Variants in DBP observed in about 807,000 individuals in gnomAD.
The protein encoded by DBP is D-box binding PAR bZIP transcription factor.
Under a neutral mutation model 21.4 loss-of-function variants are expected in DBP, and 12 were observed. The observed-to-expected ratio is 0.56, with a 90% confidence interval of 0.36 to 0.91. The LOEUF (loss-of-function observed/expected upper bound fraction) is 0.91, where lower values mean the gene tolerates loss of function less well. Among genes scored for constraint, DBP ranks in the 40% least tolerant of loss-of-function variants. DBP has a pLI of 0.01. For synonymous variants in DBP, 213 were observed against 224.9 expected, an observed-to-expected ratio of 0.95 and a Z score of 0.47; for missense variants, 423 against 473.4, an observed-to-expected ratio of 0.89 and a Z score of 0.99.
intron 2 of DBP, chr19:48,633,900 G>A (rs889398303): frequency 1.9e-6 from 1 of 532,448 alleles, no homozygotes; most frequent in South Asian, 2.2e-5. Context: ...AGGAGTTCAA[G>A]ACCAGCATGG....
In DBP at chr19:48,637,086, G is replaced by T; in HGVS notation, c.-92C>A. On this transcript the variant is annotated 5_prime_UTR_variant, in exon 1 of 4. Transcript: ENST00000222122. Reference sequence around the variant, plus strand: ...GCACACTCCAGTGGTTTGGACGAGTGTCTGCCCAGGGGCGGGCGAGTGTAG... The same window carrying T: ...GCACACTCCAGTGGTTTGGACGAGTTTCTGCCCAGGGGCGGGCGAGTGTAG... The T allele has an allele frequency of 8.1e-7, 1 of 1,227,026 alleles. No homozygotes were observed. Among genetic ancestry groups the T allele is most frequent in the Non-Finnish European group, 1.1e-6 (1 of 919,050 alleles). 76.0% of individuals were successfully genotyped at this position (1,227,026 alleles called of 1,614,324 possible).
chr19:48,633,735 T>C (rs1007552489), intron 2 of DBP, 80 bp from the exon 3 acceptor site: 85 of 1,199,686 alleles, frequency 7.1e-5, no homozygotes, highest in Admixed American at 2.3e-4. Flanking sequence ...TGTGGTATCA[T>C]AGCCACATGG....
intron 2 of DBP, chr19:48,633,967 G>A: frequency 2.7e-6 from 1 of 371,310 alleles, no homozygotes; most frequent in Non-Finnish European, 5.1e-6. Flanking sequence ...AGGTGTAGTG[G>A]CGGGTGCCGG....
At chr19:48,635,112 C>T in intron 2 of DBP, 1 of 988,638 alleles carries the variant, frequency 1.0e-6, no homozygotes, top group Middle Eastern at 5.2e-4. Flanking sequence ...ACCTGGGCTG[C>T]CAGTCTCTTA....
chr19:48,633,370 G>T, intron 3 of DBP, 74 bp downstream of exon 3: 1 of 1,458,444 alleles, frequency 6.9e-7, no homozygotes, highest in Non-Finnish European at 9.6e-7. Context: ...AGGCTTGACT[G>T]TGAGAAAAGG....
Position 48,636,884 on chromosome 19 carries a change from C to T in DBP, c.111G>A (p.Gly37=), listed in dbSNP as rs769874117. The T allele has an allele frequency of 2.5e-6, 4 of 1,608,718 alleles. No individual in the cohort carries two copies. Among genetic ancestry groups the T allele is most frequent in the African/African-American group, 1.3e-5 (1 of 74,674 alleles). The change falls in exon 1 of 4, where the codon GGG becomes GGA. Residue 37 remains glycine (G), a synonymous_variant. Transcript: ENST00000222122. The stretch of plus-strand genomic sequence containing the variant: ...TGGCCGGCTCTTTGGGCTTGCTGGT[C>T]CCCTGCAGAAGGCTCCGCAACCCAA... ...ALLGLRSLLQ[G]TSKPKEPASC... is the part of the protein sequence containing the mutation.
In DBP at chr19:48,630,361, A is replaced by G; in HGVS notation, c.*476T>C. On this transcript the variant is annotated 3_prime_UTR_variant, in exon 4 of 4. Coordinates refer to ENST00000222122, the MANE Select transcript of DBP (RefSeq NM_001352.5). This position sits in a 1 kb window ranked among gnomAD's most constrained non-coding sequence, Gnocchi z 4.9. ...TCCTCCGTCCCCAATCTAAAAAGCA[A>G]TTGAAAAGGTCTATGCAATAAAGGC... 2.3e-6 allele frequency: 3 copies of G among 1,312,810 alleles called. No individual in the cohort carries two copies. The highest frequency in any genetic ancestry group is 2.9e-6 in the Non-Finnish European group (3 of 1,031,184). The allele number at this position is 1,312,810 out of a possible 1,614,324, so 81.3% of individuals were successfully genotyped here.
intron 3 of DBP, 63 bp from the exon 4 acceptor site, chr19:48,631,115 A>G: frequency 6.8e-7 from 1 of 1,472,188 alleles, no homozygotes; most frequent in South Asian, 1.2e-5. Flanking sequence ...CGAGAGAGGA[A>G]GGGAGCCCCA....
chr19:48,631,338 T>G, intron 3 of DBP: 1 of 424,876 alleles, frequency 2.4e-6, no homozygotes, highest in Non-Finnish European at 4.3e-6. Context: ...CAGTTAGCTC[T>G]TGCTTGCTAA....
At position 48,635,654 on chromosome 19, in the gene DBP, G is replaced by C; in HGVS notation, c.476C>G (p.Ser159Trp). Reference protein sequence around the residue: ...APSPGPGSCGSASPRSSPGHA... With the variant: ...APSPGPGSCGWASPRSSPGHA... ...CCCAGGAGAGGAGCGGGGGGAAGCC[G>C]AGCCGCACGAACCCGGCCCTGGGGA... The change falls in exon 2 of 4, where the codon TCG becomes TGG. Residue 159 changes from serine (S) to tryptophan (W), a missense_variant. Around this residue, in one of 4 missense-constraint regions of DBP, gnomAD observed 283 missense variants for 273.7 expected, o/e 1.03. Transcript: ENST00000222122. 7.6e-7 allele frequency: 1 copy of C among 1,315,074 alleles called. No individual in the cohort carries two copies. Among genetic ancestry groups the C allele is most frequent in the Non-Finnish European group, 9.6e-7 (1 of 1,039,174 alleles). 81.5% of individuals were successfully genotyped at this position (1,315,074 alleles called of 1,614,324 possible).
chr19:48,630,108 C>T lies in DBP; in HGVS notation c.*729G>A. Reference sequence around the variant, plus strand: ...ATGGCTGAGGGCGGAGTCTATTTTACGCGTCGCCCAATGACAGGACCTGGA... The same window carrying T: ...ATGGCTGAGGGCGGAGTCTATTTTATGCGTCGCCCAATGACAGGACCTGGA... On this transcript the variant is annotated 3_prime_UTR_variant, in exon 4 of 4. Transcript: ENST00000222122. The surrounding 1 kb of genome is among the most constrained non-coding windows in gnomAD (Gnocchi z 4.9). The T allele has an allele frequency of 3.2e-6, 4 of 1,258,916 alleles. No individual in the cohort carries two copies. Among genetic ancestry groups the T allele is most frequent in the Non-Finnish European group, 4.0e-6 (4 of 1,000,396 alleles). 78.0% of individuals were successfully genotyped at this position (1,258,916 alleles called of 1,614,324 possible). A position where few individuals can be genotyped will look rare whatever the true frequency, so the allele number is the denominator to read the frequency against.
At chr19:48,633,881 C>T (rs1043895840) in intron 2 of DBP, 1 of 562,820 alleles carries the variant, frequency 1.8e-6, no homozygotes, top group Non-Finnish European at 3.2e-6. Flanking sequence ...CGGCGAATCA[C>T]CTTTAGTCAG....
intron 3 of DBP, 29 bp from the exon 4 acceptor site, chr19:48,631,081 G>A (rs1487424983): frequency 6.3e-7 from 1 of 1,591,596 alleles, no homozygotes; most frequent in Non-Finnish European, 8.6e-7. Flanking sequence ...AGAGCACTGA[G>A]GTCCAGAGGG....
At chr19:48,636,643 C>T (rs1282702257) in intron 1 of DBP, among the ~76,000 whole-genome samples, 4 of 152,092 alleles carry the variant, frequency 2.6e-5, no homozygotes, top group Non-Finnish European at 5.9e-5. Flanking sequence ...ACGTTGGTGC[C>T]TGGGTCCTTA....
Position 48,630,450 on chromosome 19 carries a change from G to A in DBP, c.*387C>T. ...ATCCGACAGCCCGCGGGAGGACTCA[G>A]ACTCCAGCACTTCCAGCAGCGCCTG... On this transcript the variant is annotated 3_prime_UTR_variant, in exon 4 of 4. Transcript: ENST00000222122. The surrounding 1 kb of genome is among the most constrained non-coding windows in gnomAD (Gnocchi z 4.9). 1 of 1,456,304 alleles carries A rather than the reference G, an allele frequency of 6.9e-7. No homozygotes were observed. The highest frequency in any genetic ancestry group is 1.4e-5 in the African/African-American group (1 of 70,074). 90.2% of individuals were successfully genotyped at this position (1,456,304 alleles called of 1,614,324 possible).
chr19:48,630,219 G>A lies in DBP; in HGVS notation c.*618C>T, dbSNP rs1347878703. 17 of 1,260,072 alleles carry A rather than the reference G, an allele frequency of 1.3e-5. No homozygotes were observed. The highest frequency in any genetic ancestry group is 1.6e-5 in the Non-Finnish European group (16 of 1,002,262). 78.1% of individuals were successfully genotyped at this position (1,260,072 alleles called of 1,614,324 possible). A position where few individuals can be genotyped will look rare whatever the true frequency, so the allele number is the denominator to read the frequency against. ...TCCACTCCGGTGCCTCCATTTAGCT[G>A]GCCAATCAGCCCAGGAGGGGCAGGT... On this transcript the variant is annotated 3_prime_UTR_variant, in exon 4 of 4. Coordinates refer to ENST00000222122, the MANE Select transcript of DBP (RefSeq NM_001352.5). This position sits in a 1 kb window ranked among gnomAD's most constrained non-coding sequence, Gnocchi z 4.9.
In DBP at chr19:48,630,834, G is replaced by C; in HGVS notation, c.*3C>G. 6.3e-7 allele frequency: 1 copy of C among 1,582,092 alleles called. No homozygotes were observed. The highest frequency in any genetic ancestry group is 8.6e-7 in the Non-Finnish European group (1 of 1,162,358). On this transcript the variant is annotated 3_prime_UTR_variant, in exon 4 of 4. Transcript: ENST00000222122. This position sits in a 1 kb window ranked among gnomAD's most constrained non-coding sequence, Gnocchi z 4.9. ...CTCCGCCAGGTGGGGATGTGGGGCAGCCTCACAGGGCCCCGTGCTGGGCCT... is the reference window on the plus strand; with the variant it reads ...CTCCGCCAGGTGGGGATGTGGGGCACCCTCACAGGGCCCCGTGCTGGGCCT...
At position 48,633,427 on chromosome 19, in the gene DBP, C is replaced by A. The variant is rs2030668940; in HGVS notation, c.762+17G>T. ...TGTCTCCAGCCAAGTCTATCTCCCA[C>A]ATCCAGCTCTGCTCACCTTCTGCTC... On this transcript the variant is annotated intron_variant, in intron 3 of 3. Coordinates refer to ENST00000222122, the MANE Select transcript of DBP (RefSeq NM_001352.5). 6.2e-7 allele frequency: 1 copy of A among 1,613,172 alleles called. No homozygotes were observed. The highest frequency in any genetic ancestry group is 1.3e-5 in the African/African-American group (1 of 74,922).
At position 48,636,978 on chromosome 19, in the gene DBP, C is replaced by T; in HGVS notation, c.17G>A (p.Ser6Asn). 1 of 1,510,640 alleles carries T rather than the reference C, an allele frequency of 6.6e-7. No individual in the cohort carries two copies. 93.6% of individuals were successfully genotyped at this position (1,510,640 alleles called of 1,614,324 possible). ...CAGCAGAGGGGCCGGGGTCCTGTCGCTCACAGGCCGCGCCATCGCCTGGCA... is the reference window on the plus strand; with the variant it reads ...CAGCAGAGGGGCCGGGGTCCTGTCGTTCACAGGCCGCGCCATCGCCTGGCA... MARPVSDRTPAPLLLG... is the reference protein window; with the variant it reads MARPVNDRTPAPLLLG... The change falls in exon 1 of 4, where the codon AGC becomes AAC. Residue 6 changes from serine (S) to asparagine (N), a missense_variant. Ser to Asn is a conservative substitution (Grantham distance 46). Around this residue, in one of 4 missense-constraint regions of DBP, gnomAD observed 283 missense variants for 273.7 expected, o/e 1.03. Transcript: ENST00000222122.
Sources: gnomAD v4.1 joint callset for allele counts (sites outside exome capture counted in the v4.1 genomes callset) on GRCh38, gnomAD v4.1.1 for gene constraint, gnomAD v4.1.1 regional missense constraint, Gnocchi (gnomAD v3.1) non-coding constraint, MANE v1.5 for transcripts, NCBI Gene and HGNC (gene_info 2026-07-23, HGNC 2026-07-21) for gene names.